CACNG2: variants seen among roughly 807,000 people sequenced by gnomAD.
CACNG2 encodes voltage-dependent calcium channel gamma-2 subunit.
A neutral mutation model predicts 25.9 loss-of-function variants in CACNG2; 3 were observed. The observed-to-expected ratio is 0.12, with a 90% CI of 0.05 to 0.30. The LOEUF (loss-of-function observed/expected upper bound fraction) is 0.30, where lower values mean the gene tolerates loss of function less well. Ranked by LOEUF, CACNG2 falls within the 10% of genes least tolerant of loss-of-function variation. The pLI is 1.00. For synonymous variants in CACNG2, 167 were observed against 173.3 expected (o/e 0.96, Z 0.29); for missense variants, 341 against 432.5 (o/e 0.79, Z 1.88).
At position 36,566,507 on chromosome 22, in the gene CACNG2, A is replaced by T; in HGVS notation, c.296-14T>A. ...CCCTCACGGCCCCTGTGGAACACAG[A>T]GGGTCAGGGAGAAAGAGAACGGCAT... is the stretch of plus-strand genomic sequence containing the variant. On this transcript the variant is annotated splice_polypyrimidine_tract_variant and intron_variant, in intron 2 of 3. Transcript: ENST00000300105. The T allele has an allele frequency of 6.2e-7, 1 of 1,613,866 alleles. No individual in the cohort carries two copies.
rs5845279 is a variant in CACNG2, at chr22:36,629,295, CT to C, written c.212-41748del. 7.6e-3 allele frequency among the ~76,000 whole-genome samples: 1,161 copies of C among 152,090 alleles called. 10 individuals carry two copies. Among genetic ancestry groups the C allele is most frequent in the Non-Finnish European group, 0.01 (690 of 68,018 alleles). ...CACCGTTCATTCATTCATTCATTCA[CT>C]CAATAGGCAGTCACCCAGTGCCTTC... On this transcript the variant is annotated intron_variant, in intron 1 of 3. Transcript: ENST00000300105.
chr22:36,628,538 G>A (rs1028725532), intron 1 of CACNG2, among the ~76,000 whole-genome samples: 7 of 152,206 alleles, frequency 4.6e-5, no homozygotes, highest in African/African-American at 1.7e-4. Flanking sequence ...GTGGAAATTG[G>A]TGGTTTTATC....
At chr22:36,640,083 A>T (rs1489424445) in intron 1 of CACNG2, among the ~76,000 whole-genome samples, 4 of 152,180 alleles carry the variant, frequency 2.6e-5, no homozygotes, top group Non-Finnish European at 5.9e-5. Context: ...TACCATGTCC[A>T]AGAGTAGGGA....
At chr22:36,663,623 C>T (rs139001201) in intron 1 of CACNG2, among the ~76,000 whole-genome samples, 139 of 152,230 alleles carry the variant, frequency 9.1e-4, no homozygotes, top group Non-Finnish European at 1.5e-3. Context: ...ATTAATGCGT[C>T]GCGAGGGGGC....
chr22:36,693,289 A>G (rs1601459905), intron 1 of CACNG2, among the ~76,000 whole-genome samples: 1 of 152,216 alleles, frequency 6.6e-6, no homozygotes, highest in East Asian at 1.9e-4. Context: ...GTATGTGTTC[A>G]GTCATGCTTG....
At chr22:36,618,488 A>G (rs1346006011) in intron 1 of CACNG2, among the ~76,000 whole-genome samples, 2 of 152,220 alleles carry the variant, frequency 1.3e-5, no homozygotes, top group Non-Finnish European at 2.9e-5. Flanking sequence ...ACCTTTCTCT[A>G]GTCCTGACAA....
intron 1 of CACNG2, among the ~76,000 whole-genome samples, chr22:36,652,928 G>A (rs546494469): frequency 1.2e-4 from 18 of 152,276 alleles, no homozygotes; most frequent in Admixed American, 8.5e-4. Flanking sequence ...CAAAGTTGCC[G>A]TCAGAAGACA....
intron 1 of CACNG2, among the ~76,000 whole-genome samples, chr22:36,595,115 G>T (rs1935659030): frequency 1.3e-5 from 2 of 151,348 alleles, no homozygotes; most frequent in Non-Finnish European, 3.0e-5. Context: ...ATGGGTGTGT[G>T]TGTGTCTATG....
chr22:36,664,019 C>T (rs1433468220), intron 1 of CACNG2, among the ~76,000 whole-genome samples: 1 of 152,126 alleles, frequency 6.6e-6, no homozygotes, highest in African/African-American at 2.4e-5. Context: ...TTATACCTTG[C>T]TGCTCCCCTC....
At chr22:36,640,584 A>C (rs1009938765) in intron 1 of CACNG2, among the ~76,000 whole-genome samples, 1 of 151,926 alleles carries the variant, frequency 6.6e-6, no homozygotes, top group South Asian at 2.1e-4. Flanking sequence ...CGGTTTCCTC[A>C]CCTGCAGGAC....
At chr22:36,638,677 A>G (rs1023696006) in intron 1 of CACNG2, among the ~76,000 whole-genome samples, 3 of 152,028 alleles carry the variant, frequency 2.0e-5, no homozygotes, top group Admixed American at 6.6e-5. Context: ...TTGCAAATAC[A>G]TTTCCATTTG....
chr22:36,696,776 A>G (rs1937348030), intron 1 of CACNG2, among the ~76,000 whole-genome samples: 1 of 152,210 alleles, frequency 6.6e-6, no homozygotes, highest in Middle Eastern at 3.2e-3. Context: ...AAATAAGGTG[A>G]TCTGAGAAAA....
chr22:36,633,118 G>A (rs1936301106), intron 1 of CACNG2, among the ~76,000 whole-genome samples: 1 of 152,140 alleles, frequency 6.6e-6, no homozygotes, highest in Admixed American at 6.5e-5. Context: ...GCCACTCTGT[G>A]TAACCTTACA....
In CACNG2 at chr22:36,646,203, G is replaced by A. The variant is rs1333494140; in HGVS notation, c.211+56163C>T. Among the ~76,000 whole-genome samples the A allele has an allele frequency of 2.0e-5, 3 of 152,162 alleles. No individual in the cohort carries two copies. The South Asian group carries it at 6.2e-4, about 32-fold the overall frequency. ...TATTTCTTTTTTCCCATTTTATGGA[G>A]AAATAACTATTTTATGGGTATTGTT... On this transcript the variant is annotated intron_variant, in intron 1 of 3. Coordinates refer to ENST00000300105, the MANE Select transcript of CACNG2 (RefSeq NM_006078.5).
chr22:36,654,025 C>T (rs1936666599), intron 1 of CACNG2, among the ~76,000 whole-genome samples: 1 of 138,232 alleles, frequency 7.2e-6, no homozygotes, highest in Admixed American at 7.9e-5. Context: ...TATGTATGTG[C>T]GCATTTGGGG....
chr22:36,649,485 G>T (rs960446719), intron 1 of CACNG2, among the ~76,000 whole-genome samples: 6 of 152,094 alleles, frequency 3.9e-5, no homozygotes, highest in African/African-American at 1.4e-4. Context: ...GTAGATATAG[G>T]GTTTCACCAT....
At chr22:36,627,209 G>A (rs1486175946) in intron 1 of CACNG2, among the ~76,000 whole-genome samples, 1 of 152,108 alleles carries the variant, frequency 6.6e-6, no homozygotes, top group East Asian at 1.9e-4. Flanking sequence ...GGAGGAAGGA[G>A]TGGGTAGGGG....
At chr22:36,597,233 A>G (rs1184179724) in intron 1 of CACNG2, among the ~76,000 whole-genome samples, 1 of 152,210 alleles carries the variant, frequency 6.6e-6, no homozygotes, top group African/African-American at 2.4e-5. Flanking sequence ...CATGTTGGCC[A>G]GGCTGGTCTT....
intron 1 of CACNG2, among the ~76,000 whole-genome samples, chr22:36,661,064 T>C (rs1453433217): frequency 2.0e-5 from 3 of 152,216 alleles, no homozygotes; most frequent in Non-Finnish European, 4.4e-5. Flanking sequence ...GCAGGCAGGT[T>C]CCTTGGTGCT....
Sources: allele counts gnomAD v4.1 joint callset (sites outside exome capture counted in the v4.1 genomes callset), GRCh38; gene constraint gnomAD v4.1.1; transcripts MANE v1.5; gene names NCBI Gene and HGNC (gene_info 2026-07-23, HGNC 2026-07-21).